The following TBXAS1 variants were observed in gnomAD, a reference collection of about 807,000 sequenced individuals.
TBXAS1 encodes the protein thromboxane-A synthase.
A neutral mutation model predicts 60.7 loss-of-function variants in TBXAS1; 48 were observed. That is an observed-to-expected ratio of 0.79 (90% CI 0.63 to 1.01). TBXAS1 has a LOEUF of 1.01. Ranked by LOEUF, TBXAS1 falls within the 50% of genes least tolerant of loss-of-function variation. TBXAS1 has a pLI of 0.00. For synonymous variants in TBXAS1, 287 were observed against 269.7 expected (o/e 1.06, Z -0.63); for missense variants, 685 against 686.3 (o/e 1.00, Z 0.02).
intron 4 of TBXAS1, among the ~76,000 whole-genome samples, chr7:139,923,669 G>C (rs1806665059): frequency 1.3e-5 from 2 of 151,986 alleles, no homozygotes; most frequent in Non-Finnish European, 2.9e-5. Flanking sequence ...TTATGGTGCT[G>C]ATCTTTCGGT....
At chr7:139,863,910 G>C (rs1801155141) in intron 1 of TBXAS1, among the ~76,000 whole-genome samples, 1 of 152,166 alleles carries the variant, frequency 6.6e-6, no homozygotes, top group South Asian at 2.1e-4. Flanking sequence ...CAAGCTAGGA[G>C]TAGAAGGAAA....
intron 4 of TBXAS1, among the ~76,000 whole-genome samples, chr7:139,805,340 T>A (rs560187181): frequency 5.5e-4 from 84 of 152,380 alleles, no homozygotes; most frequent in African/African-American, 2.0e-3. Context: ...ACCCAGACTA[T>A]CTGACTCCAG....
upstream of TBXAS1, chr7:139,829,053 G>A (rs1251852935): frequency 2.4e-6 from 1 of 408,598 alleles, no homozygotes; most frequent in Non-Finnish European, 4.7e-6. Flanking sequence ...CAGAGTACAA[G>A]TCCGTGGTTA....
chr7:140,014,737 C>A (rs569356701), intron 10 of TBXAS1, among the ~76,000 whole-genome samples: 8 of 151,718 alleles, frequency 5.3e-5, no homozygotes, highest in Non-Finnish European at 1.2e-4. Flanking sequence ...GGTGAAACCA[C>A]CCCCCGTCTC....
At chr7:140,016,491 G>T in intron 11 of TBXAS1, 2 of 254,184 alleles carry the variant, frequency 7.9e-6, no homozygotes, top group South Asian at 8.1e-5. Flanking sequence ...GCCAGGACAT[G>T]GGATACAGGA....
chr7:140,017,559 G>A (rs1191492189), intron 11 of TBXAS1, 112 bp from the exon 12 acceptor site: 1 of 1,432,478 alleles, frequency 7.0e-7, no homozygotes, highest in Non-Finnish European at 9.5e-7. Context: ...TCAGCTCCCA[G>A]AGCCTTGGAG....
intron 10 of TBXAS1, among the ~76,000 whole-genome samples, chr7:140,014,343 G>A (rs1031424439): frequency 1.3e-5 from 2 of 152,204 alleles, no homozygotes; most frequent in African/African-American, 2.4e-5. Flanking sequence ...GGCCGACTTC[G>A]AGGATTCTGT....
chr7:139,934,059 T>C (rs1807548207), intron 4 of TBXAS1, among the ~76,000 whole-genome samples: 1 of 152,154 alleles, frequency 6.6e-6, no homozygotes, highest in East Asian at 1.9e-4. Flanking sequence ...CAGGAAAATA[T>C]ACTTTCTCCA....
Position 139,962,083 on chromosome 7 carries a change from G to A in TBXAS1, c.984G>A (p.Val328=). 2.5e-6 allele frequency: 4 copies of A among 1,614,226 alleles called. No individual in the cohort carries two copies. The highest frequency in any genetic ancestry group is 3.4e-6 in the Non-Finnish European group (4 of 1,180,038). The change falls in exon 9 of 13, where the codon GTG becomes GTA. Residue 328 remains valine, a synonymous_variant. Transcript: ENST00000448866. ...QPSPMARPLT[V]DEIVGQAFIF... ...GCCCTATGGCCAGGCCTTTGACTGT[G>A]GATGAGATTGTGGGCCAGGCCTTCA...
chr7:139,928,083 T>C (rs114727919), intron 4 of TBXAS1, among the ~76,000 whole-genome samples: 1,802 of 152,340 alleles, frequency 0.012, 41 homozygotes, highest in African/African-American at 0.041. Flanking sequence ...CCTCAGAAAG[T>C]GTTAACTATT....
intron 5 of TBXAS1, among the ~76,000 whole-genome samples, chr7:139,938,251 C>T (rs1807969921): frequency 6.6e-6 from 1 of 152,078 alleles, no homozygotes; most frequent in Non-Finnish European, 1.5e-5. Flanking sequence ...AGCGGTTGGC[C>T]AGTGGGGCCC....
chr7:139,986,797 GTGTATATATATATA>G lies in TBXAS1; in HGVS notation c.1135-20292_1135-20279del, dbSNP rs1357428775. Among the ~76,000 whole-genome samples, 383 of 40,254 alleles carry G rather than the reference GTGTATATATATATA, an allele frequency of 9.5e-3. 3 individuals carry two copies. The highest frequency in any genetic ancestry group is 0.061 in the Middle Eastern group (4 of 66). 26.4% of individuals were successfully genotyped at this position (40,254 alleles called of 152,430 possible). Reference sequence around the variant, plus strand: ...TGTGTGTGTGTGTGTGTGTGTGTGTGTGTATATATATATATATATACACCATAGTTTCTTTATCC... The same window carrying G: ...TGTGTGTGTGTGTGTGTGTGTGTGTGTATATACACCATAGTTTCTTTATCC... On this transcript the variant is annotated intron_variant, in intron 9 of 12. Transcript: ENST00000448866.
chr7:139,824,300 A>G (rs771633281), upstream of TBXAS1, among the ~76,000 whole-genome samples: 6 of 152,218 alleles, frequency 3.9e-5, no homozygotes, highest in Non-Finnish European at 4.4e-5. Flanking sequence ...ACCTCCCCGC[A>G]TGGCTCGAGA....
At chr7:140,019,855 T>A (rs898784626) in intron 12 of TBXAS1, among the ~76,000 whole-genome samples, 170 bp from the exon 13 acceptor site, 90 of 152,170 alleles carry the variant, frequency 5.9e-4, no homozygotes, top group African/African-American at 2.0e-3. Context: ...ATGGGGAGGA[T>A]CAGCAGGGAC....
At chr7:139,984,946 A>AAAAGAAAG (rs111228602) in intron 9 of TBXAS1, among the ~76,000 whole-genome samples, 26,683 of 141,578 alleles carry the variant, frequency 0.19, 2,857 homozygotes, top group African/African-American at 0.28. Flanking sequence ...GAAAGAAAAG[A>AAAAGAAAG]AAAGAAAGAA....
chr7:139,935,993 C>A (rs1344505339), intron 4 of TBXAS1, among the ~76,000 whole-genome samples, 198 bp from the exon 5 acceptor site: 1 of 152,202 alleles, frequency 6.6e-6, no homozygotes, highest in African/African-American at 2.4e-5. Flanking sequence ...CCCATCTGCT[C>A]CCTCTGGGCC....
chr7:139,984,637 AGAG>A (rs1812227061), intron 9 of TBXAS1, among the ~76,000 whole-genome samples: 2 of 128,540 alleles, frequency 1.6e-5, no homozygotes, highest in African/African-American at 6.0e-5. Context: ...AGAGAGAGAG[AGAG>A]AGAAAGAAAG....
At chr7:139,931,196 A>C (rs1807301620) in intron 4 of TBXAS1, among the ~76,000 whole-genome samples, 1 of 152,044 alleles carries the variant, frequency 6.6e-6, no homozygotes, top group Admixed American at 6.6e-5. Context: ...AATCTTGTCT[A>C]TCTCTTGTCT....
At chr7:139,931,604 C>T (rs1251343472) in intron 4 of TBXAS1, among the ~76,000 whole-genome samples, 2 of 152,136 alleles carry the variant, frequency 1.3e-5, no homozygotes, top group South Asian at 2.1e-4. Flanking sequence ...GAGAAGAGGA[C>T]CTGTGCAGGG....
Sources: allele counts gnomAD v4.1 joint callset (sites outside exome capture counted in the v4.1 genomes callset), GRCh38; gene constraint gnomAD v4.1.1; transcripts MANE v1.5; gene names NCBI Gene and HGNC (gene_info 2026-07-23, HGNC 2026-07-21).